Variants in NPFFR1 observed in about 807,000 individuals in gnomAD.
NPFFR1 encodes G-protein coupled receptor 147.
NPFFR1 carries 17 observed loss-of-function variants against 12.7 expected under a neutral mutation model. The observed-to-expected ratio is 1.34, with a 90% CI of 0.92 to 2.01. NPFFR1 has a LOEUF of 2.01. Among genes scored for constraint, NPFFR1 ranks in the 30% most tolerant of loss-of-function variants. The pLI is 0.00. For synonymous variants in NPFFR1, 296 were observed against 264.5 expected, an observed-to-expected ratio of 1.12 and a Z score of -1.16; for missense variants, 604 against 606.5, an observed-to-expected ratio of 1.00 and a Z score of 0.04.
intron 1 of NPFFR1, among the ~76,000 whole-genome samples, chr10:70,281,070 C>G (rs1480033144): frequency 6.6e-6 from 1 of 152,200 alleles, no homozygotes; most frequent in East Asian, 1.9e-4. Flanking sequence ...TGACAGAACC[C>G]TCACATCCAG....
At chr10:70,282,818 T>C (rs1486160733) in intron 1 of NPFFR1, among the ~76,000 whole-genome samples, 1 of 152,108 alleles carries the variant, frequency 6.6e-6, no homozygotes, top group Non-Finnish European at 1.5e-5. Context: ...GTTCCCCTTG[T>C]CCACAATGGC....
chr10:70,255,501 G>T lies in NPFFR1; in HGVS notation c.749C>A (p.Ala250Asp), dbSNP rs1179688336. The change falls in exon 4 of 4, where the codon GCC becomes GAC. Residue 250 changes from alanine (A) to aspartate (D), a missense_variant. Transcript: ENST00000277942. The surrounding 1 kb of genome is among the most constrained non-coding windows in gnomAD (Gnocchi z 4.2). ...ARKLCQAPGP[A>D]PGGEEAADPR... is the part of the protein sequence containing the mutation. ...GTCCGCAGCCTCCTCGCCCCCGGGG[G>T]CCGGGCCCGGGGCCTGGCAGAGCTT... 6.5e-7 allele frequency: 1 copy of T among 1,547,748 alleles called. No individual in the cohort carries two copies. The highest frequency in any genetic ancestry group is 2.5e-5 in the East Asian group (1 of 40,798).
chr10:70,260,497 C>T (rs1840620400), intron 3 of NPFFR1, 143 bp downstream of exon 3: 1 of 737,008 alleles, frequency 1.4e-6, no homozygotes. Context: ...GGCCCAGGGC[C>T]CTTCTCCTTG....
intron 3 of NPFFR1, among the ~76,000 whole-genome samples, chr10:70,256,640 T>C (rs1231449102): frequency 6.6e-6 from 1 of 152,204 alleles, no homozygotes; most frequent in Non-Finnish European, 1.5e-5. Flanking sequence ...CAACTCAGCA[T>C]CTGTTATTAC....
chr10:70,262,570 A>C (rs995226092), intron 2 of NPFFR1, among the ~76,000 whole-genome samples: 2 of 152,214 alleles, frequency 1.3e-5, no homozygotes, highest in African/African-American at 2.4e-5. Flanking sequence ...GTGTATACTA[A>C]GATTGAACAA....
Position 70,249,847 on chromosome 10 carries a change from A to C in NPFFR1, c.*5110T>G, listed in dbSNP as rs1269386439. The C allele has an allele frequency of 6.6e-6, 1 of 152,202 alleles. No homozygotes were observed. The highest frequency in any genetic ancestry group is 1.5e-5 in the Non-Finnish European group (1 of 68,076). The allele number at this position is 152,202 out of a possible 1,614,324, so 9.4% of individuals were successfully genotyped here. ...CAATAAAAGATATAAGAATGCAGTA[A>C]GCACACAAAAAGATGCCCAGCATCA... On this transcript the variant is annotated 3_prime_UTR_variant, in exon 4 of 4. Coordinates refer to ENST00000277942, the MANE Select transcript of NPFFR1 (RefSeq NM_022146.5).
rs1467351421 is a variant in NPFFR1 at position 70,255,497 on chromosome 10, G to A, written c.753C>T (p.Pro251=). 5 of 1,547,318 alleles carry A rather than the reference G, an allele frequency of 3.2e-6. No homozygotes were observed. The highest frequency in any genetic ancestry group is 2.0e-5 in the Admixed American group (1 of 50,790). ...GCGGGTCCGCAGCCTCCTCGCCCCC[G>A]GGGGCCGGGCCCGGGGCCTGGCAGA... ...RKLCQAPGPA[P]GGEEAADPRA... Residue 251 remains proline, a synonymous_variant, in exon 4 of 4, where the codon CCC becomes CCT. Coordinates refer to ENST00000277942, the MANE Select transcript of NPFFR1 (RefSeq NM_022146.5). This position sits in a 1 kb window ranked among gnomAD's most constrained non-coding sequence, Gnocchi z 4.2.
chr10:70,265,500 G>A (rs1403886108), intron 2 of NPFFR1, among the ~76,000 whole-genome samples: 4 of 152,172 alleles, frequency 2.6e-5, no homozygotes, highest in Non-Finnish European at 5.9e-5. Context: ...GACACTCCAA[G>A]GGACAGAGAG....
chr10:70,281,407 C>A (rs1840860867), intron 1 of NPFFR1, among the ~76,000 whole-genome samples: 1 of 152,100 alleles, frequency 6.6e-6, no homozygotes, highest in Admixed American at 6.5e-5. Context: ...ATTAAGGCAC[C>A]CATTTCTTGC....
rs533916039 is a variant in NPFFR1, at chr10:70,252,861, A to G, written c.*2096T>C. On this transcript the variant is annotated 3_prime_UTR_variant, in exon 4 of 4. Coordinates refer to ENST00000277942, the MANE Select transcript of NPFFR1 (RefSeq NM_022146.5). ...CCCCAGCCTCAAATGCTGATCTTGT[A>G]CTTGGGGAGGCTATGCTAAAGGAGA... 6.6e-6 allele frequency: 1 copy of G among 152,266 alleles called. No homozygotes were observed. The highest frequency in any genetic ancestry group is 2.1e-4 in the South Asian group (1 of 4,818). The allele number at this position is 152,266 out of a possible 1,614,324, so 9.4% of individuals were successfully genotyped here. A position where few individuals can be genotyped will look rare whatever the true frequency, so the allele number is the denominator to read the frequency against.
At position 70,255,176 on chromosome 10, in the gene NPFFR1, C is replaced by T. The variant is rs1315125214; in HGVS notation, c.1074G>A (p.Glu358=). The change falls in exon 4 of 4, where the codon GAG becomes GAA. Residue 358 remains glutamate, a synonymous_variant. Transcript: ENST00000277942. This position sits in a 1 kb window ranked among gnomAD's most constrained non-coding sequence, Gnocchi z 4.2. ...GCCCGCCGGGCCGCTCGGAGTAGGC[C>T]TCCTTGTGGCTCCCCGACGGGCGCG... ...LCPRPSGSHK[E]AYSERPGGLL... 3 of 1,547,824 alleles carry T rather than the reference C, an allele frequency of 1.9e-6. No individual in the cohort carries two copies. Among genetic ancestry groups the T allele is most frequent in the Non-Finnish European group, 2.6e-6 (3 of 1,149,006 alleles).
intron 3 of NPFFR1, 92 bp downstream of exon 3, chr10:70,260,548 G>T: frequency 2.6e-6 from 3 of 1,150,706 alleles, no homozygotes; most frequent in South Asian, 1.3e-5. Context: ...TGCAGCCCCA[G>T]CCTTCCAGCC....
chr10:70,251,764 A>G lies in NPFFR1; in HGVS notation c.*3193T>C, dbSNP rs1308971620. On this transcript the variant is annotated 3_prime_UTR_variant, in exon 4 of 4. Coordinates refer to ENST00000277942, the MANE Select transcript of NPFFR1 (RefSeq NM_022146.5). ...ACTTGCCCGTGGGCGCCTAGGCTGC[A>G]CAAGGCCCCGTCAGGGTCCAGGTGT... 1 of 152,286 alleles carries G rather than the reference A, an allele frequency of 6.6e-6. No homozygotes were observed. Among genetic ancestry groups the G allele is most frequent in the Non-Finnish European group, 1.5e-5 (1 of 68,056 alleles). 9.4% of individuals were successfully genotyped at this position (152,286 alleles called of 1,614,324 possible).
At chr10:70,277,338 T>C (rs1421806048) in intron 1 of NPFFR1, among the ~76,000 whole-genome samples, 2 of 152,244 alleles carry the variant, frequency 1.3e-5, no homozygotes, top group African/African-American at 4.8e-5. Flanking sequence ...GGGCAATCTG[T>C]GCCTCCTGGG....
At position 70,248,467 on chromosome 10, in the gene NPFFR1, G is replaced by GATTTTTT. The variant is rs1840473243; in HGVS notation, c.*6489_*6490insAAAAAAT. The GATTTTTT allele has an allele frequency of 1.0e-5, 1 of 96,742 alleles. No homozygotes were observed. The highest frequency in any genetic ancestry group is 2.0e-5 in the Non-Finnish European group (1 of 50,598). 6.0% of individuals were successfully genotyped at this position (96,742 alleles called of 1,614,324 possible). On this transcript the variant is annotated 3_prime_UTR_variant, in exon 4 of 4. Coordinates refer to ENST00000277942, the MANE Select transcript of NPFFR1 (RefSeq NM_022146.5). ...CAAAGTACGTAGTACTATGCCTGGC[G>GATTTTTT]TTTTTTTTTTGTTTTTTGTTTTTTT...
intron 1 of NPFFR1, among the ~76,000 whole-genome samples, chr10:70,273,359 G>A (rs1378390707): frequency 6.6e-6 from 1 of 152,158 alleles, no homozygotes; most frequent in African/African-American, 2.4e-5. Flanking sequence ...TAACATTTTG[G>A]GGGTCATCAA....
At chr10:70,261,369 C>T (rs1840631760) in intron 2 of NPFFR1, among the ~76,000 whole-genome samples, 1 of 152,160 alleles carries the variant, frequency 6.6e-6, no homozygotes. Context: ...AACTGTGAGT[C>T]AAACCTCTTT....
rs915534152 is a variant in NPFFR1 at position 70,247,946 on chromosome 10, T to C, written c.*7011A>G. 1 of 152,246 alleles carries C rather than the reference T, an allele frequency of 6.6e-6. No individual in the cohort carries two copies. The highest frequency in any genetic ancestry group is 1.5e-5 in the Non-Finnish European group (1 of 68,046). 9.4% of individuals were successfully genotyped at this position (152,246 alleles called of 1,614,324 possible). On this transcript the variant is annotated 3_prime_UTR_variant, in exon 4 of 4. Coordinates refer to ENST00000277942, the MANE Select transcript of NPFFR1 (RefSeq NM_022146.5). The stretch of plus-strand genomic sequence containing the variant: ...AAACCTTTTACCTAAACTGCTGGTA[T>C]TCCTTCTATCCCAAATCTTTGGAAG...
At chr10:70,258,906 G>A (rs564815197) in intron 3 of NPFFR1, among the ~76,000 whole-genome samples, 194 of 152,164 alleles carry the variant, frequency 1.3e-3, no homozygotes, top group African/African-American at 4.7e-3. Flanking sequence ...CCAGTTTTTG[G>A]CCTGATAGCC....
Sources: allele counts gnomAD v4.1 joint callset (sites outside exome capture counted in the v4.1 genomes callset), GRCh38; gene constraint gnomAD v4.1.1; non-coding constraint Gnocchi (gnomAD v3.1); transcripts MANE v1.5; gene names NCBI Gene and HGNC (gene_info 2026-07-23, HGNC 2026-07-21).